PTCHD1: variants seen among roughly 807,000 people sequenced by gnomAD.
The protein encoded by PTCHD1 is patched domain containing 1, also known as patched domain-containing protein 1.
In PTCHD1, 3 loss-of-function variants were observed where a neutral mutation model predicts 34.6. The ratio of observed to expected loss-of-function variants is 0.09; its 90% confidence interval spans 0.04 to 0.22. The LOEUF (loss-of-function observed/expected upper bound fraction) is 0.22. PTCHD1 is among the 10% of genes least tolerant of loss of function. The pLI is 1.00. For synonymous variants in PTCHD1, 305 were observed against 283.1 expected, an observed-to-expected ratio of 1.08 and a Z score of -0.77; for missense variants, 504 against 685.5, an observed-to-expected ratio of 0.74 and a Z score of 2.96.
intron 1 of PTCHD1, among the ~76,000 whole-genome samples, chrX:23,353,697 C>CA (rs1291059750): frequency 2.7e-5 from 3 of 112,186 alleles, no homozygotes; most frequent in African/African-American, 9.7e-5. Flanking sequence ...CGGGCTCCAT[C>CA]ATTTATTCGT....
rs773206446 is a variant in PTCHD1 at position 23,350,047 on chromosome X, C to T, written c.351+14821C>T. Among the ~76,000 whole-genome samples the T allele has an allele frequency of 8.7e-4, 74 of 84,626 alleles. 2 individuals are homozygous for T. Among genetic ancestry groups the T allele is most frequent in the Non-Finnish European group, 1.3e-3 (61 of 45,867 alleles). The allele number at this position is 84,626 out of a possible 115,157, so 73.5% of individuals were successfully genotyped here. A position where few individuals can be genotyped will look rare whatever the true frequency, so the allele number is the denominator to read the frequency against. Reference sequence around the variant, plus strand: ...TCCAAAATGTGTTCTAGGAAAGCTCCCTTTAGTGCTGTTAAAAAAAAAAAA... The same window carrying T: ...TCCAAAATGTGTTCTAGGAAAGCTCTCTTTAGTGCTGTTAAAAAAAAAAAA... On this transcript the variant is annotated intron_variant, in intron 1 of 2. Transcript: ENST00000379361.
intron 1 of PTCHD1, among the ~76,000 whole-genome samples, chrX:23,359,627 G>A (rs947360191): frequency 6.3e-5 from 7 of 111,828 alleles, no homozygotes. Flanking sequence ...TTTCCTAATT[G>A]AATACCCTTT....
At chrX:23,340,517 C>T (rs1275020471) in intron 1 of PTCHD1, among the ~76,000 whole-genome samples, 1 of 112,286 alleles carries the variant, frequency 8.9e-6, no homozygotes, top group Non-Finnish European at 1.9e-5. Context: ...AGCAGTCGCC[C>T]ACTTAGGTCG....
chrX:23,379,710 G>A lies in PTCHD1; in HGVS notation c.471G>A (p.Leu157=), dbSNP rs374141025. ...TCGTGGATGACATAGTGCACGTCCTGGAAGAGCTAAAGAATGCTCGGGCCA... is the reference window on the plus strand; with the variant it reads ...TCGTGGATGACATAGTGCACGTCCTAGAAGAGCTAAAGAATGCTCGGGCCA... ...TCIVDDIVHV[L]EELKNARATN... is the part of the protein sequence containing the mutation. Residue 157 remains leucine (L), a synonymous_variant, in exon 2 of 3, where the codon CTG becomes CTA. Coordinates refer to ENST00000379361, the MANE Select transcript of PTCHD1 (RefSeq NM_173495.3). 4.1e-6 allele frequency: 5 copies of A among 1,211,249 alleles called. No individual in the cohort carries two copies. The highest frequency in any genetic ancestry group is 5.6e-6 in the Non-Finnish European group (5 of 895,343).
rs1923185652 is a variant in PTCHD1, at chrX:23,404,223, G to A, written c.*10038G>A. On this transcript the variant is annotated 3_prime_UTR_variant, in exon 3 of 3. Coordinates refer to ENST00000379361, the MANE Select transcript of PTCHD1 (RefSeq NM_173495.3). ...TCAATACTGATATCAAATTTCGAAT[G>A]TAAAGGAGATTTCAAATGTATTGCT... The A allele has an allele frequency of 1.8e-5, 2 of 112,101 alleles. No homozygotes were observed. The highest frequency in any genetic ancestry group is 9.4e-5 in the Admixed American group (1 of 10,608). 9.2% of individuals were successfully genotyped at this position (112,101 alleles called of 1,213,427 possible). A position where few individuals can be genotyped will look rare whatever the true frequency, so the allele number is the denominator to read the frequency against.
chrX:23,397,281 G>T lies in PTCHD1; in HGVS notation c.*3096G>T, dbSNP rs1472749449. On this transcript the variant is annotated 3_prime_UTR_variant, in exon 3 of 3. Transcript: ENST00000379361. The stretch of plus-strand genomic sequence containing the variant: ...CTCTCATTTAGTGGAAGAAGAAGAT[G>T]TCAATTCACAGGGAATGTGGTGTTC... The T allele has an allele frequency of 8.9e-6, 1 of 111,970 alleles. No individual in the cohort carries two copies. Among genetic ancestry groups the T allele is most frequent in the African/African-American group, 3.2e-5 (1 of 30,804 alleles). The allele number at this position is 111,970 out of a possible 1,213,427, so 9.2% of individuals were successfully genotyped here. A position where few individuals can be genotyped will look rare whatever the true frequency, so the allele number is the denominator to read the frequency against.
intron 1 of PTCHD1, among the ~76,000 whole-genome samples, chrX:23,359,902 A>G (rs1215894306): frequency 8.9e-6 from 1 of 112,005 alleles, no homozygotes; most frequent in African/African-American, 3.2e-5. Context: ...ATCTATTGAG[A>G]TAATCATGTG....
chrX:23,388,756 G>A lies in PTCHD1; in HGVS notation c.1013-3775G>A, dbSNP rs190597890. 4.8e-4 allele frequency among the ~76,000 whole-genome samples: 54 copies of A among 111,735 alleles called. 1 individual carries two copies. The Middle Eastern group carries it at 0.014, about 29-fold the overall frequency. ...TGAGGCAGGGGAATCGCTGGAACCC[G>A]GGAGGCCGAGGCTGCAGCGAGCAGA... is the stretch of plus-strand genomic sequence containing the variant. On this transcript the variant is annotated intron_variant, in intron 2 of 2. Transcript: ENST00000379361.
intron 2 of PTCHD1, among the ~76,000 whole-genome samples, chrX:23,386,312 TAAGACTAAAACCC>T (rs1325408607): frequency 8.9e-6 from 1 of 111,812 alleles, no homozygotes; most frequent in Non-Finnish European, 1.9e-5. Context: ...AAATCATTCC[TAAGACTAAAACCC>T]AATGCTCTGG....
intron 2 of PTCHD1, among the ~76,000 whole-genome samples, chrX:23,387,119 C>G (rs776585806): frequency 6.2e-5 from 7 of 112,167 alleles, no homozygotes; most frequent in African/African-American, 1.9e-4. Flanking sequence ...CATTGAAAAC[C>G]AAACAACAAC....
chrX:23,346,836 G>A (rs998874271), intron 1 of PTCHD1, among the ~76,000 whole-genome samples: 1 of 111,957 alleles, frequency 8.9e-6, no homozygotes, highest in Admixed American at 9.4e-5. Flanking sequence ...CCAAAATTCA[G>A]TGGGTACCAG....
In PTCHD1 at chrX:23,394,124, A is replaced by G. The variant is rs1348876609; in HGVS notation, c.2606A>G (p.Glu869Gly). ...KKNPENREEI[E>G]CVEMVDIDST... ...AATCCTGAGAACCGGGAGGAAATTG[A>G]GTGTGTAGAAATGGTAGATATCGAT... Residue 869 changes from glutamate to glycine, a missense_variant, in exon 3 of 3, where the codon GAG (glutamate) becomes GGG (glycine). By Grantham distance (98) the Glu-to-Gly change is moderately conservative. Coordinates refer to ENST00000379361, the MANE Select transcript of PTCHD1 (RefSeq NM_173495.3). 1 of 1,210,388 alleles carries G rather than the reference A, an allele frequency of 8.3e-7. No individual in the cohort carries two copies. The highest frequency in any genetic ancestry group is 2.2e-5 in the Admixed American group (1 of 45,896).
intron 1 of PTCHD1, among the ~76,000 whole-genome samples, chrX:23,379,369 T>A (rs1922494284): frequency 1.8e-5 from 2 of 111,961 alleles, no homozygotes; most frequent in Admixed American, 1.9e-4. Context: ...AGAATTTTCA[T>A]TTCTGACAAG....
chrX:23,339,305 C>T (rs966761535), intron 1 of PTCHD1, among the ~76,000 whole-genome samples: 9 of 111,917 alleles, frequency 8.0e-5, no homozygotes, highest in African/African-American at 2.6e-4. Context: ...TGATAACCCC[C>T]GTAGTCATAT....
chrX:23,379,442 T>C lies in PTCHD1; in HGVS notation c.352-149T>C. The C allele has an allele frequency of 5.3e-6, 3 of 567,921 alleles. No individual in the cohort carries two copies. The Admixed American group carries it at 1.0e-4, about 19-fold the overall frequency. The allele number at this position is 567,921 out of a possible 1,213,427, so 46.8% of individuals were successfully genotyped here. A position where few individuals can be genotyped will look rare whatever the true frequency, so the allele number is the denominator to read the frequency against. On this transcript the variant is annotated intron_variant, in intron 1 of 2. Coordinates refer to ENST00000379361, the MANE Select transcript of PTCHD1 (RefSeq NM_173495.3). ...CATTGCGAGAACCACTGGTCAAATG[T>C]GTGTTTCACATTCCTACTACCTATT... is the stretch of plus-strand genomic sequence containing the variant.
chrX:23,360,733 G>T (rs936108015), intron 1 of PTCHD1, among the ~76,000 whole-genome samples: 3 of 111,510 alleles, frequency 2.7e-5, no homozygotes, highest in Non-Finnish European at 3.8e-5. Flanking sequence ...TCTTTTAATT[G>T]TGATGTTAGG....
chrX:23,379,521 G>A (rs765004175), intron 1 of PTCHD1, 70 bp from the exon 2 acceptor site: 9 of 1,070,866 alleles, frequency 8.4e-6, no homozygotes, highest in African/African-American at 3.7e-5. Context: ...GAGACGGAAT[G>A]TCCACCCTCT....
At position 23,392,984 on chromosome X, in the gene PTCHD1, G is replaced by A. The variant is rs749627534; in HGVS notation, c.1466G>A (p.Arg489His). Residue 489 changes from arginine to histidine, a missense_variant, in exon 3 of 3, where the codon CGC (arginine) becomes CAC (histidine). Arg to His is a conservative substitution (Grantham distance 29). Transcript: ENST00000379361. Reference sequence around the variant, plus strand: ...CACCTATTGGTATGTTTCCTCAAACGCTATTACTGTGACTGGATAACCAAC... The same window carrying A: ...CACCTATTGGTATGTTTCCTCAAACACTATTACTGTGACTGGATAACCAAC... ...ESHLLVCFLK[R>H]YYCDWITNTY... The A allele has an allele frequency of 2.5e-6, 3 of 1,209,712 alleles. No homozygotes were observed. Among genetic ancestry groups the A allele is most frequent in the East Asian group, 3.0e-5 (1 of 33,820 alleles).
rs190577917 is a variant in PTCHD1, at chrX:23,338,846, T to G, written c.351+3620T>G. On this transcript the variant is annotated intron_variant, in intron 1 of 2. Coordinates refer to ENST00000379361, the MANE Select transcript of PTCHD1 (RefSeq NM_173495.3). ...TTTTATATCCCATCCCATCCAGTTG[T>G]TCTAATAGTGGTAATTGGATCATAA... Among the ~76,000 whole-genome samples the G allele has an allele frequency of 6.5e-3, 727 of 112,527 alleles. 3 individuals are homozygous for G. The highest frequency in any genetic ancestry group is 0.022 in the African/African-American group (695 of 31,006).
Sources: allele counts gnomAD v4.1 joint callset (sites outside exome capture counted in the v4.1 genomes callset), GRCh38; gene constraint gnomAD v4.1.1; transcripts MANE v1.5; gene names NCBI Gene and HGNC (gene_info 2026-07-23, HGNC 2026-07-21).